ULK4: variants seen among roughly 807,000 people sequenced by gnomAD.
ULK4 encodes unc-51 like kinase 4.
Under a neutral mutation model 160.6 loss-of-function variants are expected in ULK4, and 133 were observed. That is an observed-to-expected ratio of 0.83 (90% confidence interval 0.72 to 0.96). The LOEUF is 0.96. Among genes scored for constraint, ULK4 ranks in the 40% least tolerant of loss-of-function variants. ULK4 has a pLI of 0.00. For synonymous variants in ULK4, 534 were observed against 539.8 expected (o/e 0.99, Z 0.15); for missense variants, 1,580 against 1,499.5 (o/e 1.05, Z -0.89).
intron 35 of ULK4, among the ~76,000 whole-genome samples, chr3:41,306,708 G>T (rs1559515896): frequency 2.0e-5 from 3 of 152,130 alleles, no homozygotes; most frequent in Non-Finnish European, 4.4e-5. Flanking sequence ...ATAGAAAAGG[G>T]GGAAAGGTGG....
intron 34 of ULK4, among the ~76,000 whole-genome samples, chr3:41,429,756 G>C (rs945679136): frequency 3.9e-5 from 6 of 152,016 alleles, no homozygotes; most frequent in African/African-American, 1.2e-4. Context: ...TGCAGCATGG[G>C]GGGAGGGAGA....
intron 35 of ULK4, among the ~76,000 whole-genome samples, chr3:41,273,703 T>C (rs2125688337): frequency 6.6e-6 from 1 of 152,184 alleles, no homozygotes; most frequent in Middle Eastern, 3.4e-3. Flanking sequence ...AGGTGGGGCC[T>C]AGTGGGAGGT....
intron 32 of ULK4, among the ~76,000 whole-genome samples, chr3:41,479,906 G>A (rs1409076027): frequency 1.3e-5 from 2 of 151,912 alleles, no homozygotes; most frequent in African/African-American, 2.4e-5. Flanking sequence ...GTGTATATTT[G>A]TATATAAAAG....
intron 31 of ULK4, among the ~76,000 whole-genome samples, chr3:41,609,462 A>T (rs2032555368): frequency 6.6e-6 from 1 of 152,134 alleles, no homozygotes; most frequent in Non-Finnish European, 1.5e-5. Flanking sequence ...TTCATTCCCA[A>T]AAGAAACACC....
intron 17 of ULK4, among the ~76,000 whole-genome samples, chr3:41,864,005 A>C (rs2125686895): frequency 6.6e-6 from 1 of 152,192 alleles, no homozygotes; most frequent in South Asian, 2.1e-4. Context: ...GGCCTAATTC[A>C]GCACTAAGAC....
At chr3:41,925,627 G>A (rs546416774) in intron 5 of ULK4, among the ~76,000 whole-genome samples, 17 of 152,276 alleles carry the variant, frequency 1.1e-4, no homozygotes, top group South Asian at 6.2e-4. Flanking sequence ...CCACCCCCAC[G>A]GAGCCCAGCA....
intron 17 of ULK4, among the ~76,000 whole-genome samples, chr3:41,847,446 G>C (rs17216919): frequency 0.12 from 18,844 of 152,140 alleles, 1,354 homozygotes; most frequent in Middle Eastern, 0.27. Flanking sequence ...TCCTATTATG[G>C]TCAGTGTTTT....
chr3:41,468,464 G>C (rs1241976640), intron 32 of ULK4, among the ~76,000 whole-genome samples: 1 of 152,038 alleles, frequency 6.6e-6, no homozygotes, highest in African/African-American at 2.4e-5. Flanking sequence ...AAAGAAAATG[G>C]GTGTCAAGAA....
intron 22 of ULK4, among the ~76,000 whole-genome samples, chr3:41,738,796 T>C (rs970655331): frequency 1.3e-5 from 2 of 151,974 alleles, no homozygotes; most frequent in African/African-American, 4.8e-5. Context: ...CACCTTTGAA[T>C]GTGTGCCTCT....
At chr3:41,876,090 TG>T (rs1172047296) in intron 17 of ULK4, among the ~76,000 whole-genome samples, 1 of 151,910 alleles carries the variant, frequency 6.6e-6, no homozygotes, top group East Asian at 1.9e-4. Context: ...CAGACAAATC[TG>T]GAATGTGGAA....
At chr3:41,413,905 A>G (rs1277613803) in intron 34 of ULK4, among the ~76,000 whole-genome samples, 2 of 152,210 alleles carry the variant, frequency 1.3e-5, no homozygotes, top group African/African-American at 4.8e-5. Context: ...CATTTTTAGT[A>G]TAAGTACGTC....
At chr3:41,537,069 T>A (rs2086528029) in intron 32 of ULK4, among the ~76,000 whole-genome samples, 1 of 152,216 alleles carries the variant, frequency 6.6e-6, no homozygotes, top group South Asian at 2.1e-4. Flanking sequence ...TTCCTCATCA[T>A]CTGCCAATGG....
chr3:41,310,880 C>T (rs960285979), intron 35 of ULK4, among the ~76,000 whole-genome samples: 1 of 151,970 alleles, frequency 6.6e-6, no homozygotes, highest in African/African-American at 2.4e-5. Flanking sequence ...GTAGTCCCAG[C>T]TACTTGGGAG....
chr3:41,300,837 T>TTATATATATATATATATATA (rs66602936), intron 35 of ULK4, among the ~76,000 whole-genome samples: 1 of 57,874 alleles, frequency 1.7e-5, no homozygotes, highest in African/African-American at 4.6e-5. Context: ...ATTTTACAGA[T>TTATATATATATATATATATA]TATATATATA....
chr3:41,496,975 G>C (rs116932804), intron 32 of ULK4, among the ~76,000 whole-genome samples: 352 of 150,628 alleles, frequency 2.3e-3, no homozygotes, highest in East Asian at 0.013. Context: ...ACAGCCTCCA[G>C]AACTGCCACC....
intron 35 of ULK4, among the ~76,000 whole-genome samples, chr3:41,371,104 C>T (rs150797810): frequency 4.0e-4 from 61 of 152,346 alleles, no homozygotes; most frequent in African/African-American, 1.4e-3. Context: ...GATTCCTCCA[C>T]TCTGGGCAGG....
chr3:41,805,285 G>A (rs1436611548), intron 19 of ULK4, among the ~76,000 whole-genome samples: 4 of 152,084 alleles, frequency 2.6e-5, no homozygotes, highest in African/African-American at 9.7e-5. Context: ...CTCTCTGTTT[G>A]TCTGTTATTG....
chr3:41,957,709 T>A (rs1284440711), intron 1 of ULK4, among the ~76,000 whole-genome samples: 1 of 148,880 alleles, frequency 6.7e-6, no homozygotes. Context: ...TGAGACCATG[T>A]CTCAGAAAAA....
intron 32 of ULK4, among the ~76,000 whole-genome samples, chr3:41,560,699 T>C (rs1010939496): frequency 6.6e-6 from 1 of 152,212 alleles, no homozygotes; most frequent in Non-Finnish European, 1.5e-5. Flanking sequence ...CTTGTGATTT[T>C]TGCACATTGA....
Sources: gnomAD v4.1 joint callset for allele counts (sites outside exome capture counted in the v4.1 genomes callset) on GRCh38, gnomAD v4.1.1 for gene constraint, MANE v1.5 for transcripts, NCBI Gene and HGNC (gene_info 2026-07-23, HGNC 2026-07-21) for gene names.